Variants in ADAMTSL1 observed in about 807,000 individuals in gnomAD.
ADAMTSL1 encodes ADAMTS-like protein 1.
A neutral mutation model predicts 201.8 loss-of-function variants in ADAMTSL1; 126 were observed. The ratio of observed to expected loss-of-function variants is 0.62; its 90% confidence interval spans 0.54 to 0.72. ADAMTSL1 has a LOEUF of 0.72. Ranked by LOEUF, ADAMTSL1 falls within the 30% of genes least tolerant of loss-of-function variation. ADAMTSL1 has a pLI of 0.00. For synonymous variants in ADAMTSL1, 1,121 were observed against 903.4 expected (o/e 1.24, Z -4.32); for missense variants, 2,679 against 2,277.8 (o/e 1.18, Z -3.59).
intron 2 of ADAMTSL1, among the ~76,000 whole-genome samples, chr9:18,358,962 A>T (rs1370591790): frequency 6.6e-6 from 1 of 151,430 alleles, no homozygotes; most frequent in Non-Finnish European, 1.5e-5. Context: ...AGAGTCATGG[A>T]GGGTGGGGTA....
intron 1 of ADAMTSL1, among the ~76,000 whole-genome samples, chr9:18,019,646 TCTAA>T (rs1820400346): frequency 6.6e-6 from 1 of 152,076 alleles, no homozygotes; most frequent in South Asian, 2.1e-4. Context: ...TTGATTTTTG[TCTAA>T]TAGAGTTGAA....
intron 2 of ADAMTSL1, among the ~76,000 whole-genome samples, chr9:18,409,840 C>A (rs1307549637): frequency 6.7e-6 from 1 of 149,282 alleles, no homozygotes; most frequent in African/African-American, 2.5e-5. Context: ...ATATATGTAC[C>A]TATACTATAT....
intron 1 of ADAMTSL1, among the ~76,000 whole-genome samples, chr9:18,007,462 G>A (rs1488377170): frequency 6.6e-6 from 1 of 151,986 alleles, no homozygotes; most frequent in East Asian, 1.9e-4. Context: ...AAAACAGACG[G>A]TATGTTAGAG....
At chr9:18,236,690 C>T (rs1051835016) in intron 2 of ADAMTSL1, among the ~76,000 whole-genome samples, 6 of 152,102 alleles carry the variant, frequency 3.9e-5, no homozygotes, top group African/African-American at 1.4e-4. Context: ...ATCTATTAAG[C>T]TAATTTATTT....
chr9:18,246,165 A>T (rs1831253257), intron 2 of ADAMTSL1, among the ~76,000 whole-genome samples: 1 of 152,132 alleles, frequency 6.6e-6, no homozygotes. Flanking sequence ...TCTGGTGTAT[A>T]TTTAGAGTAA....
chr9:18,473,931 T>C, upstream of ADAMTSL1: 1 of 388,102 alleles, frequency 2.6e-6, no homozygotes, highest in South Asian at 6.7e-5. Context: ...GCCTTTCTTT[T>C]TCGTCCTTTT....
At chr9:18,700,562 T>C (rs1197789953) in intron 13 of ADAMTSL1, among the ~76,000 whole-genome samples, 1 of 152,304 alleles carries the variant, frequency 6.6e-6, no homozygotes, top group Non-Finnish European at 1.5e-5. Flanking sequence ...ACTCCATTAA[T>C]GTCTCAAGGA....
intron 23 of ADAMTSL1, among the ~76,000 whole-genome samples, chr9:18,834,685 G>C (rs968069901): frequency 6.6e-6 from 1 of 152,018 alleles, no homozygotes; most frequent in Admixed American, 6.6e-5. Flanking sequence ...ATTTATGTCG[G>C]GGTAAACTAG....
chr9:18,027,724 G>C lies in ADAMTSL1; in HGVS notation c.87+120802G>C, dbSNP rs141206546. ...GGATGGAATATTATGTACATGTCTA[G>C]TAGGTGAAATTGGTCAAGTATAGAA... On this transcript the variant is annotated intron_variant, in intron 1 of 29. Coordinates refer to the ADAMTSL1 transcript ENST00000680146. Among the ~76,000 whole-genome samples, 998 of 152,080 alleles carry C rather than the reference G, an allele frequency of 6.6e-3. 16 individuals carry two copies. The highest frequency in any genetic ancestry group is 0.023 in the African/African-American group (953 of 41,526).
intron 2 of ADAMTSL1, among the ~76,000 whole-genome samples, chr9:18,204,362 C>T (rs899374739): frequency 2.0e-5 from 3 of 152,058 alleles, no homozygotes; most frequent in South Asian, 2.1e-4. Context: ...TTCCTGCCAC[C>T]TTGTGAAGAA....
intron 1 of ADAMTSL1, among the ~76,000 whole-genome samples, chr9:18,056,422 A>G (rs1342524708): frequency 2.6e-5 from 4 of 152,138 alleles, no homozygotes; most frequent in Admixed American, 6.6e-5. Flanking sequence ...GGCTCTGCAC[A>G]GCAGCAGCTG....
intron 25 of ADAMTSL1, among the ~76,000 whole-genome samples, chr9:18,890,105 T>C (rs146596181): frequency 1.3e-3 from 197 of 152,288 alleles, no homozygotes; most frequent in African/African-American, 4.5e-3. Context: ...AAGCAATGTC[T>C]TTTCAATCGA....
chr9:18,549,713 T>C (rs542258819), intron 3 of ADAMTSL1, among the ~76,000 whole-genome samples: 7 of 152,140 alleles, frequency 4.6e-5, no homozygotes, highest in African/African-American at 1.7e-4. Context: ...TTAAATGAGC[T>C]ATGTTACTTT....
At chr9:18,399,324 TATA>T (rs1563934816) in intron 2 of ADAMTSL1, among the ~76,000 whole-genome samples, 8 of 120,658 alleles carry the variant, frequency 6.6e-5, no homozygotes, top group African/African-American at 2.2e-4. Context: ...TATATATATA[TATA>T]TAAAATTATT....
At chr9:18,130,357 T>C (rs956882407) in intron 1 of ADAMTSL1, among the ~76,000 whole-genome samples, 3 of 152,166 alleles carry the variant, frequency 2.0e-5, no homozygotes, top group Non-Finnish European at 4.4e-5. Context: ...CAAATGTAAA[T>C]TAATATTTAA....
chr9:18,426,577 A>C (rs185802328), intron 2 of ADAMTSL1, among the ~76,000 whole-genome samples: 7 of 152,270 alleles, frequency 4.6e-5, no homozygotes, highest in Non-Finnish European at 7.4e-5. Context: ...TAGGCATTTT[A>C]AGTTCATTTT....
At chr9:18,581,574 C>A (rs1277392734) in intron 4 of ADAMTSL1, among the ~76,000 whole-genome samples, 1 of 152,154 alleles carries the variant, frequency 6.6e-6, no homozygotes, top group East Asian at 1.9e-4. Flanking sequence ...TCAGCTGAAT[C>A]AGCTATGGGT....
intron 19 of ADAMTSL1, among the ~76,000 whole-genome samples, chr9:18,789,789 C>T (rs1335837888): frequency 6.6e-6 from 1 of 151,900 alleles, no homozygotes; most frequent in African/African-American, 2.4e-5. Context: ...AAGCTAATGA[C>T]AAGGAGAGTC....
rs1358143468 is a variant in ADAMTSL1 at position 18,910,584 on chromosome 9, G to T, written c.*2036G>T. 1 of 152,208 alleles carries T rather than the reference G, an allele frequency of 6.6e-6. No homozygotes were observed. Among genetic ancestry groups the T allele is most frequent in the Non-Finnish European group, 1.5e-5 (1 of 68,042 alleles). 9.4% of individuals were successfully genotyped at this position (152,208 alleles called of 1,614,324 possible). ...CATTTGTGGCATAATAGTTATGCAT[G>T]GAATGATAAAGACAGACAAATTCCA... On this transcript the variant is annotated 3_prime_UTR_variant, in exon 29 of 29. Transcript: ENST00000380548.
Sources: gnomAD v4.1 joint callset for allele counts (sites outside exome capture counted in the v4.1 genomes callset) on GRCh38, gnomAD v4.1.1 for gene constraint, MANE v1.5 for transcripts, NCBI Gene and HGNC (gene_info 2026-07-23, HGNC 2026-07-21) for gene names.